The following LBHD1 variants were observed in gnomAD, a reference collection of about 807,000 sequenced individuals.
LBHD1 encodes LBH domain containing 1.
In LBHD1, 28 loss-of-function variants were observed where a neutral mutation model predicts 31.1. The ratio of observed to expected loss-of-function variants is 0.90; its 90% CI spans 0.67 to 1.24. The LOEUF is 1.24. LBHD1 is among the 50% of genes most tolerant of loss of function. LBHD1 has a pLI of 0.00. For synonymous variants in LBHD1, 105 were observed against 116.5 expected (o/e 0.90, Z 0.63); for missense variants, 350 against 323.0 (o/e 1.08, Z -0.64).
At chr11:62,670,252 G>T (rs1007727680) in intron 1 of LBHD1, 6 of 564,084 alleles carry the variant, frequency 1.1e-5, no homozygotes, top group African/African-American at 9.4e-5. Flanking sequence ...GGCAACAAGG[G>T]TAGGAGACAA....
intron 4 of LBHD1, chr11:62,667,191 A>C (rs1408376519): frequency 3.0e-5 from 26 of 867,374 alleles, no homozygotes; most frequent in Non-Finnish European, 4.6e-5. Flanking sequence ...ATATTGCTGA[A>C]TGTTTCTGTT....
chr11:62,664,846 T>TAA lies in LBHD1; in HGVS notation c.663+2_663+3insTT. ...ACCAACAGGAAGAGGGTCTAGTACT[T>TAA]ACGCCCGCTTCTTGAGGTGGTGCCG... On this transcript the variant is annotated splice_region_variant and intron_variant, in intron 5 of 6. Transcript: ENST00000354588. 3 of 1,563,538 alleles carry TAA rather than the reference T, an allele frequency of 1.9e-6. No individual in the cohort carries two copies. The highest frequency in any genetic ancestry group is 1.7e-6 in the Non-Finnish European group (2 of 1,153,672).
At position 62,667,926 on chromosome 11, in the gene LBHD1, G is replaced by C. The variant is rs923047673; in HGVS notation, c.314-179C>G. On this transcript the variant is annotated intron_variant, in intron 3 of 6. Transcript: ENST00000354588. ...TAACTCTACAAAAACAAATGAGCCC[G>C]GGATAGTGGCACAGGCATGTAGTTC... The C allele has an allele frequency of 5.2e-6, 3 of 573,790 alleles. No individual in the cohort carries two copies. In the South Asian group the frequency reaches 6.5e-5, roughly 12 times the overall value. The allele number at this position is 573,790 out of a possible 1,614,324, so 35.5% of individuals were successfully genotyped here.
Position 62,667,646 on chromosome 11 carries a change from G to T in LBHD1, c.415C>A (p.Leu139Ile), listed in dbSNP as rs547468928. ...DQDEEDACWI[L>I]EDTACLEATN... ...GCTTCCAGACATGCTGTGTCCTCAA[G>T]AATCCAACAAGCATCTTCTTCATCC... The change falls in exon 4 of 7, where the codon CTT becomes ATT. Residue 139 changes from leucine (L) to isoleucine (I), a missense_variant. Transcript: ENST00000354588. The T allele has an allele frequency of 1.3e-4, 216 of 1,613,984 alleles. No homozygotes were observed. The highest frequency in any genetic ancestry group is 1.7e-4 in the Non-Finnish European group (203 of 1,180,042).
At chr11:62,667,030 C>T (rs1565128333) in intron 4 of LBHD1, 1 of 1,605,916 alleles carries the variant, frequency 6.2e-7, no homozygotes, top group South Asian at 1.1e-5. Flanking sequence ...ACTTTGCTTA[C>T]TTGATTCAAG....
At position 62,666,911 on chromosome 11, in the gene LBHD1, A is replaced by T. The variant is rs201310123; in HGVS notation, c.538+612T>A. The T allele has an allele frequency of 3.7e-4, 591 of 1,613,826 alleles. 2 individuals are homozygous for T. The highest frequency in any genetic ancestry group is 2.0e-4 in the Non-Finnish European group (238 of 1,179,990). On this transcript the variant is annotated intron_variant, in intron 4 of 6. Transcript: ENST00000354588. ...GGTTCTAAACCCTCAGGGGACCCTG[A>T]TTCAGTTCTCAGATGAGGACCCTGA...
intron 4 of LBHD1, chr11:62,666,588 C>A (rs200276860): frequency 6.2e-7 from 1 of 1,614,032 alleles, no homozygotes; most frequent in Non-Finnish European, 8.5e-7. Flanking sequence ...TGTGGGACTT[C>A]CAGCCTATGT....
Position 62,669,540 on chromosome 11 carries a change from G to T in LBHD1, c.313+101C>A, listed in dbSNP as rs1327930919. On this transcript the variant is annotated intron_variant, in intron 3 of 6. Transcript: ENST00000354588. ...CACATTTATTGAGCACCTGCTGTGT[G>T]CCTGGCACTGCTGAATGCAGGGGCC... 28 of 1,520,720 alleles carry T rather than the reference G, an allele frequency of 1.8e-5. No individual in the cohort carries two copies. The Admixed American group carries it at 6.1e-4, about 33-fold the overall frequency. The allele number at this position is 1,520,720 out of a possible 1,614,324, so 94.2% of individuals were successfully genotyped here. A position where few individuals can be genotyped will look rare whatever the true frequency, so the allele number is the denominator to read the frequency against.
chr11:62,671,105 A>T (rs988598329), intron 1 of LBHD1: 1 of 347,976 alleles, frequency 2.9e-6, no homozygotes, highest in African/African-American at 2.1e-5. Flanking sequence ...GTCTCCAAAA[A>T]CAAACAAAAC....
At chr11:62,665,644 C>A (rs1944786431) in intron 4 of LBHD1, 1 of 1,510,274 alleles carries the variant, frequency 6.6e-7, no homozygotes, top group African/African-American at 1.4e-5. Context: ...CATTTGATTT[C>A]AGGTCTGCGG....
Position 62,671,859 on chromosome 11 carries a change from G to A in LBHD1, c.-306C>T, listed in dbSNP as rs1944951644. ...CGGGAGAGCGGCGGAAGCAGGAAAT[G>A]CTAAAGGTAGAAGCAACTGGTAGTC... On this transcript the variant is annotated 5_prime_UTR_variant, in exon 1 of 7. Transcript: ENST00000354588. 1.2e-6 allele frequency: 2 copies of A among 1,614,016 alleles called. No individual in the cohort carries two copies. The highest frequency in any genetic ancestry group is 1.3e-5 in the African/African-American group (1 of 74,936).
At chr11:62,664,082 GAAAAAA>G (rs71056540) in intron 5 of LBHD1, among the ~76,000 whole-genome samples, 4 of 65,944 alleles carry the variant, frequency 6.1e-5, no homozygotes, top group Admixed American at 1.9e-4. Flanking sequence ...CAAAAAAGAG[GAAAAAA>G]AAAAAAAAAA....
At chr11:62,666,100 C>A in intron 4 of LBHD1, 1 of 942,434 alleles carries the variant, frequency 1.1e-6, no homozygotes. Flanking sequence ...GTAATGCTAA[C>A]ACTTTGCCAG....
At position 62,671,645 on chromosome 11, in the gene LBHD1, T is replaced by G. The variant is rs904265556; in HGVS notation, c.-92A>C. The G allele has an allele frequency of 3.2e-6, 5 of 1,545,720 alleles. No individual in the cohort carries two copies. The African/African-American group carries it at 5.5e-5, about 17-fold the overall frequency. ...GGCCGCTTATCTATGGTTTCTGCTA[T>G]AGGGCGCTCTAGCCTGCGCCAAGGG... On this transcript the variant is annotated 5_prime_UTR_variant, in exon 1 of 7. Transcript: ENST00000354588.
intron 1 of LBHD1, 139 bp downstream of exon 1, chr11:62,671,425 G>C: frequency 7.8e-7 from 1 of 1,276,674 alleles, no homozygotes; most frequent in Non-Finnish European, 1.0e-6. Flanking sequence ...AGAAAAATGG[G>C]CAATCATAAA....
chr11:62,671,675 T>A lies in LBHD1; in HGVS notation c.-122A>T. 1 of 1,593,708 alleles carries A rather than the reference T, an allele frequency of 6.3e-7. No homozygotes were observed. Among genetic ancestry groups the A allele is most frequent in the South Asian group, 1.1e-5 (1 of 89,372 alleles). On this transcript the variant is annotated 5_prime_UTR_variant, in exon 1 of 7. Transcript: ENST00000354588. ...CGCTCTAGCCTGCGCCAAGGGGTAG[T>A]GAGACCGCGCGGCAACAGCTTGCGG...
Position 62,672,014 on chromosome 11 carries a change from T to C in LBHD1, c.-461A>G. The C allele has an allele frequency of 6.2e-7, 1 of 1,613,652 alleles. No individual in the cohort carries two copies. Among genetic ancestry groups the C allele is most frequent in the Non-Finnish European group, 8.5e-7 (1 of 1,179,888 alleles). ...GCGGCCAGGACCCAGCAGCTATTGCTGGCCACTCTGCAGGAGGCAGCGACC... is the reference window on the plus strand; with the variant it reads ...GCGGCCAGGACCCAGCAGCTATTGCCGGCCACTCTGCAGGAGGCAGCGACC... On this transcript the variant is annotated 5_prime_UTR_variant, in exon 1 of 7. Coordinates refer to ENST00000354588, the MANE Select transcript of LBHD1 (RefSeq NM_024099.5).
chr11:62,665,566 C>CACCGGGAATCTCGGAGAAGGACA (rs1565126357), intron 4 of LBHD1: 1 of 1,569,158 alleles, frequency 6.4e-7, no homozygotes, highest in South Asian at 1.1e-5. Context: ...AACGCCGGGA[C>CACCGGGAATCTCGGAGAAGGACA]ACCGGGAATC....
chr11:62,665,027 C>A (rs1944756678), intron 4 of LBHD1, 54 bp from the exon 5 acceptor site: 4 of 1,599,702 alleles, frequency 2.5e-6, no homozygotes, highest in Non-Finnish European at 3.4e-6. Flanking sequence ...CGACCCGGGG[C>A]CCCTCCACCA....
Sources: allele counts gnomAD v4.1 joint callset (sites outside exome capture counted in the v4.1 genomes callset), GRCh38; gene constraint gnomAD v4.1.1; transcripts MANE v1.5; gene names NCBI Gene and HGNC (gene_info 2026-07-23, HGNC 2026-07-21).